Variants in REDIC1 observed in about 807,000 individuals in gnomAD.
REDIC1 encodes the protein HEI10 Interacting Protein 1.
At chr12:39,832,110 C>T in the REDIC1 span, among the ~76,000 whole-genome samples, 1 of 152,068 alleles carries the variant, frequency 6.6e-6, no homozygotes, top group Non-Finnish European at 1.5e-5. Context: ...TTCAAATGTA[C>T]TGAGAGGTGA....
At chr12:39,676,830 C>T in the REDIC1 span, among the ~76,000 whole-genome samples, 1 of 151,918 alleles carries the variant, frequency 6.6e-6, no homozygotes, top group Non-Finnish European at 1.5e-5. Context: ...TAATATAAGC[C>T]AAGGATTTTC....
At chr12:39,821,456 G>T in the REDIC1 span, among the ~76,000 whole-genome samples, 1 of 152,042 alleles carries the variant, frequency 6.6e-6, no homozygotes, top group African/African-American at 2.4e-5. Context: ...AGAATCCAGG[G>T]TATCTTGCTA....
the REDIC1 span, among the ~76,000 whole-genome samples, chr12:39,631,941 G>A: frequency 5.9e-5 from 9 of 151,988 alleles, no homozygotes; most frequent in Admixed American, 3.3e-4. Flanking sequence ...GATAGCACAT[G>A]TATACAATAA....
chr12:39,649,186 G>A, the REDIC1 span, among the ~76,000 whole-genome samples: 10 of 151,702 alleles, frequency 6.6e-5, no homozygotes, highest in Non-Finnish European at 2.9e-5. Context: ...TGCTTAACAT[G>A]GTAAAAGACT....
chr12:39,646,475 A>G, the REDIC1 span: 1 of 1,551,348 alleles, frequency 6.4e-7, no homozygotes, highest in Non-Finnish European at 8.7e-7. Flanking sequence ...GGTTTTAGCT[A>G]GGATTTATAT....
chr12:39,869,852 T>C, the REDIC1 span, among the ~76,000 whole-genome samples: 2 of 152,220 alleles, frequency 1.3e-5, no homozygotes, highest in Non-Finnish European at 1.5e-5. Flanking sequence ...CTGTGACAGC[T>C]AAAATGCTCA....
At chr12:39,752,466 G>A in the REDIC1 span, among the ~76,000 whole-genome samples, 4 of 152,196 alleles carry the variant, frequency 2.6e-5, no homozygotes, top group African/African-American at 4.8e-5. Flanking sequence ...CCATGAAACC[G>A]GTCCCTTGTG....
At chr12:39,734,286 A>G in the REDIC1 span, among the ~76,000 whole-genome samples, 1 of 152,164 alleles carries the variant, frequency 6.6e-6, no homozygotes, top group Non-Finnish European at 1.5e-5. Flanking sequence ...CTCAGATGGA[A>G]ATGCAGAAAT....
chr12:39,895,589 T>C, the REDIC1 span, among the ~76,000 whole-genome samples: 1 of 146,804 alleles, frequency 6.8e-6, no homozygotes, highest in Admixed American at 6.8e-5. Context: ...TATGTGTATA[T>C]ATATGTGTAT....
chr12:39,746,712 C>G, the REDIC1 span, among the ~76,000 whole-genome samples: 2 of 152,166 alleles, frequency 1.3e-5, no homozygotes, highest in African/African-American at 4.8e-5. Context: ...CGGCTGGGTG[C>G]CCCCCTGAGA....
chr12:39,797,081 G>C, the REDIC1 span, among the ~76,000 whole-genome samples: 4 of 152,212 alleles, frequency 2.6e-5, no homozygotes, highest in South Asian at 8.3e-4. Flanking sequence ...GTAGGCACCC[G>C]ATAATGGAAA....
chr12:39,683,374 A>T, the REDIC1 span: 1 of 1,406,262 alleles, frequency 7.1e-7, no homozygotes, highest in East Asian at 2.3e-5. Context: ...AAAATAGACT[A>T]TGCTAAATTT....
At chr12:39,712,974 T>C in the REDIC1 span, among the ~76,000 whole-genome samples, 1 of 20,730 alleles carries the variant, frequency 4.8e-5, no homozygotes, top group African/African-American at 1.8e-4. Flanking sequence ...CGTGTATATG[T>C]ATATATACAT....
chr12:39,864,803 TG>T, the REDIC1 span: 1 of 1,614,034 alleles, frequency 6.2e-7, no homozygotes, highest in Non-Finnish European at 8.5e-7. Flanking sequence ...ACGGAGCTAT[TG>T]GCTTAAAAGT....
chr12:39,701,911 A>G, the REDIC1 span, among the ~76,000 whole-genome samples: 16 of 152,214 alleles, frequency 1.1e-4, no homozygotes, highest in Non-Finnish European at 1.2e-4. Context: ...GACACAACAT[A>G]CCAGAATCTC....
the REDIC1 span, among the ~76,000 whole-genome samples, chr12:39,864,451 T>C: frequency 6.6e-6 from 1 of 152,226 alleles, no homozygotes; most frequent in South Asian, 2.1e-4. Flanking sequence ...GAATTGTATA[T>C]GATCTAAAAT....
the REDIC1 span, among the ~76,000 whole-genome samples, chr12:39,719,020 A>G: frequency 6.6e-6 from 1 of 152,226 alleles, no homozygotes; most frequent in East Asian, 1.9e-4. Context: ...TTTTAATACA[A>G]CATAAAAAGG....
chr12:39,628,711 A>G, the REDIC1 span, among the ~76,000 whole-genome samples: 3 of 152,314 alleles, frequency 2.0e-5, no homozygotes, highest in Non-Finnish European at 4.4e-5. Flanking sequence ...TCTAGTCCAC[A>G]AAAAGAACCT....
the REDIC1 span, among the ~76,000 whole-genome samples, chr12:39,780,394 C>T: frequency 6.6e-6 from 1 of 152,154 alleles, no homozygotes; most frequent in Non-Finnish European, 1.5e-5. Context: ...ATGAAAACTG[C>T]TTGAAATCTC....
Sources: allele counts gnomAD v4.1 joint callset (sites outside exome capture counted in the v4.1 genomes callset), GRCh38; gene constraint gnomAD v4.1.1; transcripts MANE v1.5; gene names NCBI Gene and HGNC (gene_info 2026-07-23, HGNC 2026-07-21).